The following SLC8A3 variants were observed in gnomAD, a reference collection of about 807,000 sequenced individuals.
The protein encoded by SLC8A3 is sodium/calcium exchanger 3.
SLC8A3 carries 37 observed loss-of-function variants against 65.4 expected under a neutral mutation model. The observed-to-expected ratio is 0.57, with a 90% CI of 0.44 to 0.74. The LOEUF is 0.74. Among genes scored for constraint, SLC8A3 ranks in the 30% least tolerant of loss-of-function variants. SLC8A3 has a pLI of 0.00. For synonymous variants in SLC8A3, 461 were observed against 444.5 expected (o/e 1.04, Z -0.47); for missense variants, 1,112 against 1,172.1 (o/e 0.95, Z 0.75).
intron 2 of SLC8A3, among the ~76,000 whole-genome samples, chr14:70,102,294 G>T (rs886246288): frequency 6.6e-6 from 1 of 152,182 alleles, no homozygotes; most frequent in Admixed American, 6.5e-5. Context: ...TAGGCTCACT[G>T]TAACAAAGAA....
chr14:70,117,006 T>C (rs545659489), intron 2 of SLC8A3, among the ~76,000 whole-genome samples: 42 of 152,380 alleles, frequency 2.8e-4, no homozygotes, highest in African/African-American at 9.4e-4. Context: ...TCTTACCACA[T>C]AGCCTCAGAC....
At chr14:70,066,675 G>A (rs1889464743) in intron 2 of SLC8A3, among the ~76,000 whole-genome samples, 1 of 152,182 alleles carries the variant, frequency 6.6e-6, no homozygotes, top group Non-Finnish European at 1.5e-5. Context: ...GCCAGCCATG[G>A]TGGTGCATGC....
chr14:70,106,673 C>T (rs1323788488), intron 2 of SLC8A3, among the ~76,000 whole-genome samples: 1 of 152,128 alleles, frequency 6.6e-6, no homozygotes, highest in African/African-American at 2.4e-5. Context: ...GGAACCTCAT[C>T]ATGGAAGAAG....
At chr14:70,135,039 A>C (rs943858518) in intron 2 of SLC8A3, among the ~76,000 whole-genome samples, 40 of 152,244 alleles carry the variant, frequency 2.6e-4, no homozygotes, top group African/African-American at 9.2e-4. Flanking sequence ...CGAAGAACTC[A>C]GTAGCAAAAA....
chr14:70,188,975 G>A (rs895503308), upstream of SLC8A3: 1 of 152,196 alleles, frequency 6.6e-6, no homozygotes, highest in Non-Finnish European at 1.5e-5. Flanking sequence ...CGAGCGGAGA[G>A]CTTTGCCCAT....
At chr14:70,054,785 T>A (rs11629291) in intron 3 of SLC8A3, among the ~76,000 whole-genome samples, 1 of 151,876 alleles carries the variant, frequency 6.6e-6, no homozygotes, top group Non-Finnish European at 1.5e-5. Context: ...CCCAGAAGGC[T>A]TATGTCCTTA....
chr14:70,069,210 G>A (rs1889768708), intron 2 of SLC8A3, among the ~76,000 whole-genome samples: 1 of 152,192 alleles, frequency 6.6e-6, no homozygotes, highest in Non-Finnish European at 1.5e-5. Flanking sequence ...ACAGTGAGGA[G>A]GCACAGAATT....
Position 70,133,097 on chromosome 14 carries a change from GTTATTTAAAGT to G in SLC8A3, c.1784+33531_1784+33541del, listed in dbSNP as rs539695236. Among the ~76,000 whole-genome samples the G allele has an allele frequency of 1.9e-3, 281 of 145,290 alleles. 1 individual carries two copies. Among genetic ancestry groups the G allele is most frequent in the Middle Eastern group, 7.4e-3 (2 of 272 alleles). ...CTGAGACCAAACAGATGTTTTTAAA[GTTATTTAAAGT>G]AAAGGAGTACTTCCTTCCCCAGCAG... is the stretch of plus-strand genomic sequence containing the variant. On this transcript the variant is annotated intron_variant, in intron 2 of 6. Coordinates refer to ENST00000356921, the MANE Select transcript of SLC8A3 (RefSeq NM_182932.3).
intron 3 of SLC8A3, among the ~76,000 whole-genome samples, chr14:70,057,294 G>GTAGATGA (rs372342669): frequency 1.0e-4 from 15 of 149,580 alleles, no homozygotes; most frequent in African/African-American, 3.5e-4. Context: ...AGGCAGATAG[G>GTAGATGA]TAGATAGATA....
chr14:70,151,587 C>A (rs1896282804), intron 2 of SLC8A3, among the ~76,000 whole-genome samples: 1 of 152,220 alleles, frequency 6.6e-6, no homozygotes. Context: ...CCTTGACTTG[C>A]TATGGAATGC....
chr14:70,154,472 C>G (rs1440379551), intron 2 of SLC8A3, among the ~76,000 whole-genome samples: 1 of 152,178 alleles, frequency 6.6e-6, no homozygotes, highest in Non-Finnish European at 1.5e-5. Context: ...CTTTCCACTC[C>G]ACACCCAGCT....
At chr14:70,173,968 A>C (rs1251286768) in intron 1 of SLC8A3, among the ~76,000 whole-genome samples, 1 of 152,242 alleles carries the variant, frequency 6.6e-6, no homozygotes, top group Non-Finnish European at 1.5e-5. Flanking sequence ...TTCTTGCATT[A>C]TTAATGTTTT....
intron 2 of SLC8A3, among the ~76,000 whole-genome samples, chr14:70,081,121 G>A (rs12883875): frequency 0.44 from 66,265 of 152,058 alleles, 15,324 homozygotes; most frequent in South Asian, 0.66. Context: ...GATACAAGCC[G>A]AGACACTCAA....
chr14:70,110,389 T>C (rs898617814), intron 2 of SLC8A3, among the ~76,000 whole-genome samples: 13 of 134,076 alleles, frequency 9.7e-5, no homozygotes, highest in African/African-American at 3.3e-4. Context: ...TCTATGTCCA[T>C]AGGTTCAACT....
intron 1 of SLC8A3, among the ~76,000 whole-genome samples, chr14:70,180,012 A>T (rs147560680): frequency 4.9e-4 from 74 of 152,282 alleles, no homozygotes; most frequent in African/African-American, 1.8e-3. Context: ...CCTGCAACTG[A>T]AAGGAAGTCA....
chr14:70,124,932 T>A (rs1894341516), intron 2 of SLC8A3, among the ~76,000 whole-genome samples: 1 of 152,222 alleles, frequency 6.6e-6, no homozygotes, highest in African/African-American at 2.4e-5. Context: ...GAAGGTGGCA[T>A]CCTTTCTTAT....
intron 2 of SLC8A3, among the ~76,000 whole-genome samples, chr14:70,112,160 G>A (rs191463892): frequency 2.2e-4 from 33 of 152,330 alleles, no homozygotes; most frequent in Non-Finnish European, 3.8e-4. Context: ...ACTGAGTCTC[G>A]CCATTAGGCG....
At chr14:70,055,703 T>C in intron 3 of SLC8A3, 1 of 1,050,660 alleles carries the variant, frequency 9.5e-7, no homozygotes. Context: ...AGCCTGCAGT[T>C]CTTATTCAAT....
At chr14:70,114,467 C>T (rs1463212020) in intron 2 of SLC8A3, among the ~76,000 whole-genome samples, 2 of 152,098 alleles carry the variant, frequency 1.3e-5, no homozygotes, top group African/African-American at 4.8e-5. Flanking sequence ...AAGGTGAACC[C>T]AGCTCTCACA....
Sources: allele counts gnomAD v4.1 joint callset (sites outside exome capture counted in the v4.1 genomes callset), GRCh38; gene constraint gnomAD v4.1.1; transcripts MANE v1.5; gene names NCBI Gene and HGNC (gene_info 2026-07-23, HGNC 2026-07-21).